Variants in CENPC observed in about 807,000 individuals in gnomAD.
CENPC encodes the protein centromere protein C.
In CENPC, 63 loss-of-function variants were observed where a neutral mutation model predicts 112.1. The observed-to-expected ratio is 0.56, with a 90% CI of 0.46 to 0.69. CENPC has a LOEUF of 0.69. Among genes scored for constraint, CENPC ranks in the 30% least tolerant of loss-of-function variants. The pLI, the probability that CENPC is intolerant of heterozygous loss-of-function variation, is 0.00. For synonymous variants in CENPC, 333 were observed against 367.6 expected, an observed-to-expected ratio of 0.91 and a Z score of 1.08; for missense variants, 1,000 against 1,103.8, an observed-to-expected ratio of 0.91 and a Z score of 1.33.
rs188053155 is a variant in CENPC at position 67,485,201 on chromosome 4, A to C, written c.2670+4766T>G. On this transcript the variant is annotated intron_variant, in intron 17 of 18. Coordinates refer to ENST00000273853, the MANE Select transcript of CENPC (RefSeq NM_001812.4). ...CTCAATCTGATTGAAGAATCAAAGAAAGCAAAAAGCTAAATCCCTATTCCC... is the reference window on the plus strand; with the variant it reads ...CTCAATCTGATTGAAGAATCAAAGACAGCAAAAAGCTAAATCCCTATTCCC... 1.1e-3 allele frequency among the ~76,000 whole-genome samples: 165 copies of C among 152,272 alleles called. 1 individual carries two copies. Among genetic ancestry groups the C allele is most frequent in the Non-Finnish European group, 1.8e-4 (12 of 68,002 alleles).
chr4:67,478,342 A>G (rs556725395), intron 17 of CENPC, among the ~76,000 whole-genome samples: 1 of 152,336 alleles, frequency 6.6e-6, no homozygotes, highest in East Asian at 1.9e-4. Context: ...TCAGATTAAC[A>G]GCAGATTTCT....
At chr4:67,495,134 T>C in intron 13 of CENPC, 25 bp downstream of exon 13, 1 of 1,486,386 alleles carries the variant, frequency 6.7e-7, no homozygotes, top group East Asian at 2.6e-5. Context: ...TCAATGAAAA[T>C]ATTAAAAAAG....
chr4:67,508,021 T>G (rs1725784451), intron 10 of CENPC, among the ~76,000 whole-genome samples: 1 of 152,144 alleles, frequency 6.6e-6, no homozygotes, highest in African/African-American at 2.4e-5. Flanking sequence ...ATGTATTACC[T>G]CAATAGGTTG....
chr4:67,478,671 A>T (rs1724873907), intron 17 of CENPC, among the ~76,000 whole-genome samples: 1 of 144,948 alleles, frequency 6.9e-6, no homozygotes, highest in Non-Finnish European at 1.5e-5. Context: ...CACACACCCA[A>T]AGTATTCAGG....
chr4:67,488,729 G>C (rs141765714), intron 17 of CENPC, among the ~76,000 whole-genome samples: 12 of 151,852 alleles, frequency 7.9e-5, no homozygotes, highest in African/African-American at 2.9e-4. Flanking sequence ...ATTATACAGG[G>C]ACCATCTATG....
chr4:67,513,530 A>G (rs985798291), intron 8 of CENPC, among the ~76,000 whole-genome samples: 2 of 152,176 alleles, frequency 1.3e-5, no homozygotes, highest in Non-Finnish European at 2.9e-5. Flanking sequence ...GGATAAATCA[A>G]AATTTTGTAT....
chr4:67,506,774 C>A lies in CENPC; in HGVS notation c.2051+14G>T. ...CTAATATATACAACTATTATCCTTA[C>A]AATACACGCATACCTTTCCTCTAAA... On this transcript the variant is annotated intron_variant, in intron 11 of 18. Coordinates refer to ENST00000273853, the MANE Select transcript of CENPC (RefSeq NM_001812.4). 1.9e-6 allele frequency: 3 copies of A among 1,565,824 alleles called. No homozygotes were observed. The highest frequency in any genetic ancestry group is 2.6e-6 in the Non-Finnish European group (3 of 1,155,638).
chr4:67,480,809 G>A (rs1471484475), intron 17 of CENPC, among the ~76,000 whole-genome samples: 1 of 152,218 alleles, frequency 6.6e-6, no homozygotes, highest in East Asian at 1.9e-4. Context: ...GGTAATAAAA[G>A]CCATTTATGA....
At chr4:67,485,471 C>CT (rs1005059010) in intron 17 of CENPC, among the ~76,000 whole-genome samples, 1 of 151,490 alleles carries the variant, frequency 6.6e-6, no homozygotes, top group Non-Finnish European at 1.5e-5. Context: ...GAATCTTAAC[C>CT]CCCCCAATGT....
At chr4:67,476,520 A>T (rs1724809494) in intron 17 of CENPC, among the ~76,000 whole-genome samples, 1 of 152,194 alleles carries the variant, frequency 6.6e-6, no homozygotes, top group African/African-American at 2.4e-5. Flanking sequence ...CCTGGTTTCC[A>T]AGGAAACCCA....
At chr4:67,524,843 T>C (rs550578951) in intron 5 of CENPC, among the ~76,000 whole-genome samples, 1 of 152,220 alleles carries the variant, frequency 6.6e-6, no homozygotes, top group Admixed American at 6.5e-5. Flanking sequence ...AAATTTCATA[T>C]AGAACCAAAG....
intron 16 of CENPC, among the ~76,000 whole-genome samples, chr4:67,491,527 A>AGAGAGC (rs1433475806): frequency 7.9e-5 from 10 of 126,412 alleles, no homozygotes; most frequent in Non-Finnish European, 8.4e-5. Context: ...AGAGAGAGAG[A>AGAGAGC]GCCTGGTTGT....
chr4:67,480,453 C>A lies in CENPC; in HGVS notation c.2671-5475G>T, dbSNP rs1267546685. Among the ~76,000 whole-genome samples, 16 of 150,624 alleles carry A rather than the reference C, an allele frequency of 1.1e-4. No individual in the cohort carries two copies. In the East Asian group the frequency reaches 2.9e-3, roughly 27 times the overall value. ...AAATACACAACCTTCTTAGATTAAA[C>A]CAAGAAGAAATAGAAACTCTAAATA... On this transcript the variant is annotated intron_variant, in intron 17 of 18. Coordinates refer to ENST00000273853, the MANE Select transcript of CENPC (RefSeq NM_001812.4).
chr4:67,491,065 C>A (rs899109498), intron 16 of CENPC, among the ~76,000 whole-genome samples: 1 of 151,004 alleles, frequency 6.6e-6, no homozygotes, highest in Non-Finnish European at 1.5e-5. Context: ...ATAGAGATAC[C>A]TTTGCTAAGG....
chr4:67,485,339 G>T (rs1326950606), intron 17 of CENPC, among the ~76,000 whole-genome samples: 1 of 152,168 alleles, frequency 6.6e-6, no homozygotes, highest in Non-Finnish European at 1.5e-5. Context: ...TTTATACATA[G>T]GTAGCACACA....
intron 17 of CENPC, among the ~76,000 whole-genome samples, chr4:67,483,205 T>C (rs1243215606): frequency 6.6e-6 from 1 of 152,080 alleles, no homozygotes; most frequent in African/African-American, 2.4e-5. Flanking sequence ...CAGTTCTTTA[T>C]AGGAGTATGA....
chr4:67,486,968 G>GTTTTTTTTTTTTTTTTT lies in CENPC; in HGVS notation c.2670+2982_2670+2998dup, dbSNP rs58948980. 2.3e-5 allele frequency among the ~76,000 whole-genome samples: 3 copies of GTTTTTTTTTTTTTTTTT among 131,820 alleles called. 1 individual carries two copies. 86.5% of individuals were successfully genotyped at this position (131,820 alleles called of 152,430 possible). A position where few individuals can be genotyped will look rare whatever the true frequency, so the allele number is the denominator to read the frequency against. ...ATTCAGGTTTTGTATTTGCTTTTAGGTTTTTTTTTTTTTTTTTCTTTTTTA... is the reference window on the plus strand; with the variant it reads ...ATTCAGGTTTTGTATTTGCTTTTAGGTTTTTTTTTTTTTTTTTTTTTTTTTTTTTTTTTTCTTTTTTA... On this transcript the variant is annotated intron_variant, in intron 17 of 18. Transcript: ENST00000273853.
Position 67,545,348 on chromosome 4 carries a change from G to A in CENPC, c.8C>T (p.Ala3Val). The A allele has an allele frequency of 2.0e-6, 3 of 1,522,356 alleles. No homozygotes were observed. The highest frequency in any genetic ancestry group is 2.0e-5 in the Admixed American group (1 of 49,234). 94.3% of individuals were successfully genotyped at this position (1,522,356 alleles called of 1,614,324 possible). Residue 3 changes from alanine to valine, a missense_variant, in exon 1 of 19, where the codon GCG (alanine) becomes GTG (valine). Coordinates refer to ENST00000273853, the MANE Select transcript of CENPC (RefSeq NM_001812.4). MA[A>V]SGLDHLKNGY... ...GGGGCCTGCACTTACCAGACCGGAC[G>A]CAGCCATGTTCCGGCCCCGCTGAGC...
At chr4:67,524,531 C>T (rs980850773) in intron 5 of CENPC, among the ~76,000 whole-genome samples, 1 of 152,112 alleles carries the variant, frequency 6.6e-6, no homozygotes, top group African/African-American at 2.4e-5. Context: ...CATTCCTATA[C>T]ACCAATAACA....
Sources: gnomAD v4.1 joint callset for allele counts (sites outside exome capture counted in the v4.1 genomes callset) on GRCh38, gnomAD v4.1.1 for gene constraint, MANE v1.5 for transcripts, NCBI Gene and HGNC (gene_info 2026-07-23, HGNC 2026-07-21) for gene names.